PRKG1: variants seen among roughly 807,000 people sequenced by gnomAD.
PRKG1 encodes cGMP-dependent protein kinase 1.
In PRKG1, 35 loss-of-function variants were observed where a neutral mutation model predicts 88.1. The observed-to-expected ratio is 0.40, with a 90% CI of 0.30 to 0.53. The LOEUF (loss-of-function observed/expected upper bound fraction) is 0.53. Ranked by LOEUF, PRKG1 falls within the 20% of genes least tolerant of loss-of-function variation. The pLI is 0.59. For missense variants in PRKG1, 540 were observed against 839.8 expected, an observed-to-expected ratio of 0.64 and a Z score of 4.41; for synonymous variants, 303 against 292.5, an observed-to-expected ratio of 1.04 and a Z score of -0.37.
intron 3 of PRKG1, among the ~76,000 whole-genome samples, chr10:51,503,495 G>A (rs1011172306): frequency 6.6e-6 from 1 of 152,132 alleles, no homozygotes; most frequent in African/African-American, 2.4e-5. Context: ...TATTGCAATG[G>A]AGCTGTAGGA....
chr10:51,944,442 A>G (rs1033898280), intron 5 of PRKG1, among the ~76,000 whole-genome samples: 38 of 151,464 alleles, frequency 2.5e-4, no homozygotes, highest in Non-Finnish European at 4.7e-4. Context: ...GGTTTTTTGT[A>G]TCTCTATTTC....
At chr10:51,871,598 C>G (rs187171797) in intron 4 of PRKG1, among the ~76,000 whole-genome samples, 7 of 152,358 alleles carry the variant, frequency 4.6e-5, no homozygotes, top group Admixed American at 3.3e-4. Flanking sequence ...CAGGAAAGAT[C>G]CTCTTGCCCA....
intron 5 of PRKG1, among the ~76,000 whole-genome samples, chr10:51,949,473 T>C (rs887824280): frequency 6.6e-6 from 1 of 151,100 alleles, no homozygotes; most frequent in Admixed American, 6.6e-5. Context: ...TATATATATA[T>C]AAATAAAATT....
chr10:52,101,240 A>G (rs1847286053), intron 7 of PRKG1, among the ~76,000 whole-genome samples: 1 of 152,208 alleles, frequency 6.6e-6, no homozygotes, highest in African/African-American at 2.4e-5. Context: ...TTCAAAGGCC[A>G]CTGATATATC....
intron 1 of PRKG1, among the ~76,000 whole-genome samples, chr10:51,101,968 G>A (rs924487100): frequency 2.0e-5 from 3 of 152,298 alleles, no homozygotes; most frequent in South Asian, 2.1e-4. Context: ...GCCCAGTGGC[G>A]TGCTGGCAAA....
chr10:51,846,374 A>G (rs1033494591), intron 4 of PRKG1, among the ~76,000 whole-genome samples: 4 of 152,202 alleles, frequency 2.6e-5, no homozygotes, highest in African/African-American at 9.6e-5. Flanking sequence ...GTGGAGTTTC[A>G]TGATATAAAT....
chr10:52,186,375 G>A (rs1839201208), intron 9 of PRKG1, among the ~76,000 whole-genome samples: 1 of 151,872 alleles, frequency 6.6e-6, no homozygotes, highest in African/African-American at 2.4e-5. Flanking sequence ...CTGTTGCTTG[G>A]TGTGATTTGC....
At chr10:52,103,217 G>A (rs745512893) in intron 7 of PRKG1, among the ~76,000 whole-genome samples, 1 of 152,024 alleles carries the variant, frequency 6.6e-6, no homozygotes, top group Non-Finnish European at 1.5e-5. Context: ...CATGTCCCTG[G>A]TGCCAAAAAG....
At position 52,288,728 on chromosome 10, in the gene PRKG1, C is replaced by T; in HGVS notation, c.1712C>T (p.Pro571Leu). ...ILMYELLTGS[P>L]PFSGPDPMKT... ...TGTCGTGTCTCTCATTCTTGCAGCC[C>T]ACCTTTCTCAGGCCCAGATCCTATG... The change falls in exon 15 of 18, where the codon CCA becomes CTA. Residue 571 changes from proline (P) to leucine (L), a missense_variant and splice_region_variant. By Grantham distance (98) the Pro-to-Leu change is moderately conservative (BLOSUM62 -3). Transcript: ENST00000373980. 4 of 1,574,570 alleles carry T rather than the reference C, an allele frequency of 2.5e-6. No homozygotes were observed. Among genetic ancestry groups the T allele is most frequent in the Non-Finnish European group, 3.4e-6 (4 of 1,168,096 alleles).
chr10:51,840,517 TTTTATTTATTTATTTATTTA>T (rs66516508), intron 4 of PRKG1, among the ~76,000 whole-genome samples: 79 of 139,854 alleles, frequency 5.6e-4, no homozygotes, highest in Admixed American at 1.0e-3. Flanking sequence ...GAACCCTCTA[TTTTATTTATTTATTTATTTA>T]TTTATTTATT....
chr10:51,574,559 A>C (rs1179060941), intron 3 of PRKG1, among the ~76,000 whole-genome samples: 2 of 151,984 alleles, frequency 1.3e-5, no homozygotes, highest in Non-Finnish European at 2.9e-5. Context: ...TTGAGGCTTT[A>C]GATTCAATTG....
intron 1 of PRKG1, among the ~76,000 whole-genome samples, chr10:51,078,313 G>T (rs1327436880): frequency 6.6e-6 from 1 of 151,820 alleles, no homozygotes; most frequent in Non-Finnish European, 1.5e-5. Flanking sequence ...CCGCCTCCAG[G>T]GTTCAAGCAA....
chr10:51,231,528 G>A (rs539388208), intron 2 of PRKG1, among the ~76,000 whole-genome samples: 10 of 152,016 alleles, frequency 6.6e-5, no homozygotes, highest in Non-Finnish European at 1.5e-4. Context: ...GCTTGAATCT[G>A]GGATTCTTTT....
intron 1 of PRKG1, among the ~76,000 whole-genome samples, chr10:51,019,419 G>A (rs1843105757): frequency 1.3e-5 from 2 of 152,194 alleles, no homozygotes; most frequent in Admixed American, 6.5e-5. Flanking sequence ...CAAACAAATG[G>A]TGGTAGGAAA....
At chr10:51,929,444 G>A (rs906067865) in intron 5 of PRKG1, among the ~76,000 whole-genome samples, 6 of 146,320 alleles carry the variant, frequency 4.1e-5, no homozygotes, top group East Asian at 2.0e-4. Flanking sequence ...TCCACCTCCC[G>A]GATTCAAGCG....
chr10:52,291,690 G>C (rs1842250150), intron 17 of PRKG1, among the ~76,000 whole-genome samples: 1 of 151,904 alleles, frequency 6.6e-6, no homozygotes, highest in Non-Finnish European at 1.5e-5. Context: ...CTTTGCTATT[G>C]TGAATAGTGC....
chr10:52,228,206 ATCATTATAGTCTCACTTTCAT>A (rs1840436636), intron 9 of PRKG1, among the ~76,000 whole-genome samples: 1 of 152,074 alleles, frequency 6.6e-6, no homozygotes, highest in African/African-American at 2.4e-5. Flanking sequence ...CACCACCATA[ATCATTATAGTCTCACTTTCAT>A]TCACTTTGTT....
intron 5 of PRKG1, among the ~76,000 whole-genome samples, chr10:51,974,935 A>G (rs186570547): frequency 6.7e-4 from 102 of 152,226 alleles, no homozygotes; most frequent in African/African-American, 2.3e-3. Flanking sequence ...TTGGTGCCCA[A>G]CTACGTAGAA....
chr10:51,618,433 C>A (rs141771682), intron 3 of PRKG1, among the ~76,000 whole-genome samples: 1 of 152,158 alleles, frequency 6.6e-6, no homozygotes, highest in Non-Finnish European at 1.5e-5. Flanking sequence ...CAGAGCCAAG[C>A]CTTCAAGAAA....
Sources: gnomAD v4.1 joint callset for allele counts (sites outside exome capture counted in the v4.1 genomes callset) on GRCh38, gnomAD v4.1.1 for gene constraint, MANE v1.5 for transcripts, NCBI Gene and HGNC (gene_info 2026-07-23, HGNC 2026-07-21) for gene names.